The following C13orf42 variants were observed in gnomAD, a reference collection of about 807,000 sequenced individuals.
The protein encoded by C13orf42 is uncharacterized protein C13orf42.
chr13:51,171,672 TC>T (rs1296001861), intron 1 of C13orf42, among the ~76,000 whole-genome samples: 1 of 152,018 alleles, frequency 6.6e-6, no homozygotes, highest in African/African-American at 2.4e-5. Context: ...TGACTAGCCC[TC>T]CCCCACCTGC....
chr13:51,136,364 T>C lies in C13orf42; in HGVS notation n.137-23142A>G, dbSNP rs1953657840. Among the ~76,000 whole-genome samples the C allele has an allele frequency of 3.9e-5, 6 of 152,260 alleles. No individual in the cohort carries two copies. The South Asian group carries it at 6.2e-4, about 16-fold the overall frequency. Reference sequence around the variant, plus strand: ...TCTAAAACCTAGGCTGGCTGAGTCCTCCAGAGAACCCCAGTGACTCTGACT... The same window carrying C: ...TCTAAAACCTAGGCTGGCTGAGTCCCCCAGAGAACCCCAGTGACTCTGACT... On this transcript the variant is annotated intron_variant and non_coding_transcript_variant, in intron 1 of 4. Coordinates refer to the C13orf42 transcript ENST00000433280.
upstream of C13orf42, chr13:51,113,192 C>T (rs1486061532): frequency 3.3e-5 from 5 of 152,230 alleles, no homozygotes; most frequent in Non-Finnish European, 5.9e-5. Context: ...TTCACTCCTA[C>T]CTCGTGCTGG....
chr13:51,119,864 C>T (rs1953519546), intron 1 of C13orf42, among the ~76,000 whole-genome samples: 1 of 151,960 alleles, frequency 6.6e-6, no homozygotes. Context: ...CTTAACGCCA[C>T]TAAATTGTAC....
chr13:51,089,972 C>T (rs537404401), intron 1 of C13orf42, among the ~76,000 whole-genome samples: 3 of 151,952 alleles, frequency 2.0e-5, no homozygotes, highest in Admixed American at 2.0e-4. Context: ...GGGGTGGCAG[C>T]TGAGAAGAGG....
At chr13:51,157,571 G>A (rs915712619) in intron 1 of C13orf42, among the ~76,000 whole-genome samples, 1 of 152,182 alleles carries the variant, frequency 6.6e-6, no homozygotes, top group Non-Finnish European at 1.5e-5. Context: ...GATTTGTACT[G>A]CCAGTGTTTT....
upstream of C13orf42, among the ~76,000 whole-genome samples, chr13:51,114,483 T>C (rs1208961165): frequency 2.6e-5 from 4 of 152,222 alleles, no homozygotes; most frequent in Non-Finnish European, 5.9e-5. Flanking sequence ...ATTCCACATA[T>C]AGTGAGATCG....
chr13:51,094,402 T>C (rs550495529), intron 1 of C13orf42, among the ~76,000 whole-genome samples: 1 of 152,224 alleles, frequency 6.6e-6, no homozygotes, highest in African/African-American at 2.4e-5. Flanking sequence ...AACGGTGTGT[T>C]CACGGTTCCT....
intron 1 of C13orf42, among the ~76,000 whole-genome samples, chr13:51,132,319 G>C (rs945226000): frequency 6.6e-6 from 1 of 151,986 alleles, no homozygotes; most frequent in Admixed American, 6.6e-5. Flanking sequence ...CGTAATCCTA[G>C]CTACTCAGGA....
At chr13:51,092,278 T>G (rs1953187949) in intron 1 of C13orf42, among the ~76,000 whole-genome samples, 1 of 152,256 alleles carries the variant, frequency 6.6e-6, no homozygotes, top group Admixed American at 6.5e-5. Context: ...CTGCATTTTA[T>G]TATCAAGTTA....
chr13:51,132,605 G>A (rs191201861), intron 1 of C13orf42, among the ~76,000 whole-genome samples: 169 of 152,038 alleles, frequency 1.1e-3, no homozygotes, highest in Middle Eastern at 3.4e-3. Flanking sequence ...GAATATCATC[G>A]CCCCTACTCA....
At chr13:51,111,876 C>T (rs1029508611), upstream of C13orf42, among the ~76,000 whole-genome samples, 4 of 48,520 alleles carry the variant, frequency 8.2e-5, no homozygotes, top group Non-Finnish European at 1.4e-4. Context: ...GGAAGAGCCT[C>T]GCCCTGCGGT....
At chr13:51,116,093 A>G (rs189836988), upstream of C13orf42, among the ~76,000 whole-genome samples, 1 of 152,274 alleles carries the variant, frequency 6.6e-6, no homozygotes, top group East Asian at 1.9e-4. Context: ...AGTCCTTGTA[A>G]GCAAACATTA....
intron 1 of C13orf42, 35 bp from the exon 2 acceptor site, chr13:51,088,110 T>G (rs1024005094): frequency 2.5e-6 from 1 of 398,652 alleles, no homozygotes; most frequent in Non-Finnish European, 4.4e-6. Context: ...GAGAGTTGCC[T>G]GAGCCAGTAA....
At chr13:51,094,190 C>A (rs1953209603) in intron 1 of C13orf42, among the ~76,000 whole-genome samples, 1 of 152,182 alleles carries the variant, frequency 6.6e-6, no homozygotes, top group Admixed American at 6.5e-5. Flanking sequence ...CTACTCCAGA[C>A]CTGGATTCTG....
At chr13:51,110,645 T>C (rs1230608815) in intron 1 of C13orf42, among the ~76,000 whole-genome samples, 151 bp downstream of exon 1, 1 of 152,218 alleles carries the variant, frequency 6.6e-6, no homozygotes, top group Non-Finnish European at 1.5e-5. Context: ...GCTGGGGATA[T>C]GGCCGCATAA....
At chr13:51,158,331 T>G (rs564734470) in intron 1 of C13orf42, among the ~76,000 whole-genome samples, 1 of 152,348 alleles carries the variant, frequency 6.6e-6, no homozygotes, top group African/African-American at 2.4e-5. Context: ...TGCCTCTCCC[T>G]GCTTCTCTTC....
intron 1 of C13orf42, among the ~76,000 whole-genome samples, chr13:51,118,091 C>T (rs1482586331): frequency 2.0e-5 from 3 of 152,196 alleles, no homozygotes; most frequent in Non-Finnish European, 4.4e-5. Context: ...TCTTTTGTGG[C>T]ATGATCTTGT....
At chr13:51,104,375 A>G (rs1953326451) in intron 1 of C13orf42, among the ~76,000 whole-genome samples, 1 of 152,202 alleles carries the variant, frequency 6.6e-6, no homozygotes, top group African/African-American at 2.4e-5. Flanking sequence ...AAAAATTGAT[A>G]CAAAGTCATT....
At chr13:51,134,725 T>C (rs1953644347) in intron 1 of C13orf42, among the ~76,000 whole-genome samples, 1 of 152,108 alleles carries the variant, frequency 6.6e-6, no homozygotes, top group African/African-American at 2.4e-5. Context: ...CTGCTTAGGG[T>C]ATTTGCCTCC....
Sources: gnomAD v4.1 joint callset for allele counts (sites outside exome capture counted in the v4.1 genomes callset) on GRCh38, gnomAD v4.1.1 for gene constraint, MANE v1.5 for transcripts, NCBI Gene and HGNC (gene_info 2026-07-23, HGNC 2026-07-21) for gene names.